Variants in KANSL1 observed in about 807,000 individuals in gnomAD.
KANSL1 encodes the protein MLL1/MLL complex subunit KANSL1.
A neutral mutation model predicts 103.6 loss-of-function variants in KANSL1; 22 were observed. The ratio of observed to expected loss-of-function variants is 0.21; its 90% CI spans 0.15 to 0.30. KANSL1 has a LOEUF of 0.30. Among genes scored for constraint, KANSL1 ranks in the 10% least tolerant of loss-of-function variants. The probability of loss-of-function intolerance (pLI) is 1.00; values close to 1 mark genes in which losing one functional copy is unlikely to be tolerated. For synonymous variants in KANSL1, 600 were observed against 527.6 expected (o/e 1.14, Z -1.88); for missense variants, 1,337 against 1,399.8 (o/e 0.96, Z 0.72).
At chr17:46,103,115 A>G (rs1041123084) in intron 2 of KANSL1, among the ~76,000 whole-genome samples, 6 of 152,358 alleles carry the variant, frequency 3.9e-5, no homozygotes, top group African/African-American at 1.4e-4. Context: ...ATTCAACTTG[A>G]CAATGGATAC....
intron 14 of KANSL1, 124 bp from the exon 15 acceptor site, chr17:46,031,827 G>C (rs922942583): frequency 3.8e-6 from 4 of 1,057,372 alleles, no homozygotes; most frequent in Non-Finnish European, 5.5e-6. Flanking sequence ...TCCTGCGACA[G>C]TCTGGGAACA....
intron 2 of KANSL1, among the ~76,000 whole-genome samples, chr17:46,130,156 A>G (rs909385346): frequency 2.1e-5 from 3 of 144,932 alleles, no homozygotes; most frequent in African/African-American, 7.8e-5. Flanking sequence ...CACTGAACTC[A>G]TGCCTGGGCA....
At chr17:46,167,307 A>C (rs531208565) in intron 2 of KANSL1, among the ~76,000 whole-genome samples, 1 of 152,354 alleles carries the variant, frequency 6.6e-6, no homozygotes, top group Admixed American at 6.5e-5. Flanking sequence ...AAAACAAAGA[A>C]TATAAAAGAA....
intron 2 of KANSL1, among the ~76,000 whole-genome samples, chr17:46,163,331 T>A (rs1330397130): frequency 6.6e-6 from 1 of 152,208 alleles, no homozygotes; most frequent in African/African-American, 2.4e-5. Flanking sequence ...CTCCCCCATT[T>A]ATAGAAGATT....
chr17:46,092,677 C>G (rs1056964719), intron 3 of KANSL1, among the ~76,000 whole-genome samples: 1 of 121,176 alleles, frequency 8.3e-6, no homozygotes, highest in Admixed American at 1.2e-4. Context: ...ATGTTGGTAG[C>G]GAGATAATTT....
intron 2 of KANSL1, among the ~76,000 whole-genome samples, chr17:46,127,657 A>G (rs978261365): frequency 1.3e-5 from 2 of 152,112 alleles, no homozygotes; most frequent in Admixed American, 1.3e-4. Flanking sequence ...ACACTCCTGT[A>G]GTCCCAGCTA....
intron 4 of KANSL1, among the ~76,000 whole-genome samples, chr17:46,076,729 G>C (rs1212865242): frequency 6.6e-6 from 1 of 151,844 alleles, no homozygotes; most frequent in South Asian, 2.1e-4. Flanking sequence ...GAAGTTTTAT[G>C]GTTTCAGCAA....
chr17:46,158,977 C>T (rs2045586177), intron 2 of KANSL1, among the ~76,000 whole-genome samples: 2 of 152,240 alleles, frequency 1.3e-5, no homozygotes, highest in African/African-American at 2.4e-5. Flanking sequence ...GAACCTTACG[C>T]TCAGATTTTT....
At chr17:46,141,289 C>T (rs1038783054) in intron 2 of KANSL1, among the ~76,000 whole-genome samples, 1 of 152,190 alleles carries the variant, frequency 6.6e-6, no homozygotes, top group Admixed American at 6.5e-5. Flanking sequence ...AGCATTTACA[C>T]TCAGAGGCTA....
intron 5 of KANSL1, among the ~76,000 whole-genome samples, 161 bp downstream of exon 5, chr17:46,067,388 A>T (rs1422177196): frequency 6.6e-6 from 1 of 152,256 alleles, no homozygotes; most frequent in African/African-American, 2.4e-5. Flanking sequence ...ACAATTAATT[A>T]AAATGCACTG....
intron 1 of KANSL1, chr17:46,221,177 G>A (rs1178247589): frequency 9.9e-5 from 15 of 151,482 alleles, no homozygotes; most frequent in African/African-American, 1.5e-4. Context: ...TAATTCTCTC[G>A]TTTTGCTTGT....
chr17:46,215,925 C>G (rs2048325583), intron 1 of KANSL1, among the ~76,000 whole-genome samples: 1 of 152,100 alleles, frequency 6.6e-6, no homozygotes, highest in Non-Finnish European at 1.5e-5. Context: ...CCTGTAATCC[C>G]AGCTACCCGG....
At chr17:46,221,641 G>A in intron 1 of KANSL1, 1 of 150,934 alleles carries the variant, frequency 6.6e-6, no homozygotes, top group Non-Finnish European at 1.5e-5. Flanking sequence ...CTGAGTGAGT[G>A]TGACGCTATT....
At chr17:46,066,133 C>T (rs980225803) in intron 6 of KANSL1, among the ~76,000 whole-genome samples, 3 of 152,220 alleles carry the variant, frequency 2.0e-5, no homozygotes, top group African/African-American at 7.2e-5. Flanking sequence ...GTTGGGATTA[C>T]AGGCATGAGC....
intron 2 of KANSL1, among the ~76,000 whole-genome samples, chr17:46,150,919 TA>T (rs2147486696): frequency 9.3e-6 from 1 of 107,992 alleles, no homozygotes; most frequent in Non-Finnish European, 1.7e-5. Context: ...GCAAGATCCC[TA>T]TTCTGTCAAA....
chr17:46,214,076 A>C (rs1040364695), intron 1 of KANSL1, among the ~76,000 whole-genome samples: 2 of 152,366 alleles, frequency 1.3e-5, no homozygotes, highest in South Asian at 2.1e-4. Flanking sequence ...ACCAAATGAC[A>C]CTGGGTGGTC....
chr17:46,050,479 T>C, intron 7 of KANSL1, 54 bp downstream of exon 7: 6 of 1,555,030 alleles, frequency 3.9e-6, no homozygotes, highest in Non-Finnish European at 5.3e-6. Flanking sequence ...TTCTTTCACC[T>C]AGAAGTCTCT....
intron 1 of KANSL1, among the ~76,000 whole-genome samples, chr17:46,219,093 T>A (rs1034339296): frequency 9.2e-5 from 14 of 151,588 alleles, no homozygotes; most frequent in African/African-American, 3.4e-4. Context: ...AAACCCCATC[T>A]CTACTAAAAA....
intron 6 of KANSL1, among the ~76,000 whole-genome samples, chr17:46,059,524 C>G (rs572069791): frequency 1.9e-4 from 28 of 149,334 alleles, no homozygotes; most frequent in Non-Finnish European, 3.7e-4. Context: ...AAGGCTGAGG[C>G]AGGAAGGAGA....
Sources: allele counts gnomAD v4.1 joint callset (sites outside exome capture counted in the v4.1 genomes callset), GRCh38; gene constraint gnomAD v4.1.1; transcripts MANE v1.5; gene names NCBI Gene and HGNC (gene_info 2026-07-23, HGNC 2026-07-21).